The following TXNDC8 variants were observed in gnomAD, a reference collection of about 807,000 sequenced individuals.
The protein encoded by TXNDC8 is thioredoxin domain containing 8, also known as thioredoxin domain-containing protein 8.
Under a neutral mutation model 12.9 loss-of-function variants are expected in TXNDC8, and 15 were observed. The observed-to-expected ratio is 1.16, with a 90% CI of 0.78 to 1.79. The LOEUF (loss-of-function observed/expected upper bound fraction) is 1.79, where lower values mean the gene tolerates loss of function less well. TXNDC8 is among the 40% of genes most tolerant of loss of function. The pLI, the probability that TXNDC8 is intolerant of heterozygous loss-of-function variation, is 0.00. For missense variants in TXNDC8, 128 were observed against 113.2 expected (o/e 1.13, Z -0.59); for synonymous variants, 40 against 35.4 (o/e 1.13, Z -0.46).
chr9:110,309,616 G>A (rs946162976), intron 3 of TXNDC8, among the ~76,000 whole-genome samples: 2 of 152,184 alleles, frequency 1.3e-5, no homozygotes, highest in African/African-American at 2.4e-5. Context: ...GATTACAGGC[G>A]TGAGCCACTG....
intron 1 of TXNDC8, among the ~76,000 whole-genome samples, chr9:110,335,510 C>G (rs1385431974): frequency 6.6e-6 from 1 of 152,202 alleles, no homozygotes; most frequent in Non-Finnish European, 1.5e-5. Context: ...ACTCTGTGCC[C>G]TATATTCTCT....
chr9:110,336,974 A>G (rs1242986028), intron 1 of TXNDC8, among the ~76,000 whole-genome samples: 5 of 152,222 alleles, frequency 3.3e-5, no homozygotes, highest in African/African-American at 1.2e-4. Flanking sequence ...TATTAAAACA[A>G]TAAGTGTCAA....
At chr9:110,318,752 T>A (rs1838981338) in intron 3 of TXNDC8, among the ~76,000 whole-genome samples, 1 of 151,972 alleles carries the variant, frequency 6.6e-6, no homozygotes. Context: ...AAAAAAAAAT[T>A]TTAAGGGGTA....
At chr9:110,304,257 G>A (rs1162105098) in intron 4 of TXNDC8, among the ~76,000 whole-genome samples, 11 of 152,200 alleles carry the variant, frequency 7.2e-5, no homozygotes, top group Non-Finnish European at 1.6e-4. Flanking sequence ...GGGCGGTTGA[G>A]CCACCAGGAA....
In TXNDC8 at chr9:110,334,286, T is replaced by C. The variant is rs376373913; in HGVS notation, c.59A>G (p.His20Arg). 6 of 1,613,906 alleles carry C rather than the reference T, an allele frequency of 3.7e-6. No individual in the cohort carries two copies. Among genetic ancestry groups the C allele is most frequent in the Non-Finnish European group, 5.1e-6 (6 of 1,179,764 alleles). The change falls in exon 2 of 5, where the codon CAC becomes CGC. Residue 20 changes from histidine to arginine, a missense_variant. By Grantham distance (29) the His-to-Arg change is conservative (BLOSUM62 0). Transcript: ENST00000423740. ...AGAAAATTGAACCACTGCGAGTTTG[T>C]GTCCGGCAGCTGTCAAAAATGTTTT... is the stretch of plus-strand genomic sequence containing the variant.
At chr9:110,307,424 C>T (rs528788365) in intron 3 of TXNDC8, among the ~76,000 whole-genome samples, 1 of 152,292 alleles carries the variant, frequency 6.6e-6, no homozygotes, top group South Asian at 2.1e-4. Context: ...CAGCACTGGG[C>T]TTTGCATACA....
At chr9:110,316,134 C>T (rs565453066) in intron 3 of TXNDC8, among the ~76,000 whole-genome samples, 7 of 149,784 alleles carry the variant, frequency 4.7e-5, no homozygotes, top group African/African-American at 7.4e-5. Flanking sequence ...AGGCTGGTCT[C>T]GAACACCTGG....
intron 3 of TXNDC8, among the ~76,000 whole-genome samples, chr9:110,321,190 T>C (rs529002571): frequency 6.6e-6 from 1 of 152,300 alleles, no homozygotes; most frequent in East Asian, 1.9e-4. Context: ...CATTCAAGGA[T>C]GTTGCAGTGT....
Position 110,334,220 on chromosome 9 carries a change from A to G in TXNDC8, c.125T>C (p.Phe42Ser). 1 of 1,610,768 alleles carries G rather than the reference A, an allele frequency of 6.2e-7. No individual in the cohort carries two copies. Among genetic ancestry groups the G allele is most frequent in the East Asian group, 2.2e-5 (1 of 44,780 alleles). Residue 42 changes from phenylalanine to serine, a missense_variant, in exon 2 of 5, where the codon TTC becomes TCC. Physicochemically the swap from Phe to Ser is radical, Grantham distance 155. Transcript: ENST00000423740. ...ATATATACTGGTTGTACTCACATGG[A>G]AAACAGGAAACATCCTTTTGCAGGG...
intron 3 of TXNDC8, among the ~76,000 whole-genome samples, chr9:110,312,907 T>C (rs1164770263): frequency 3.3e-5 from 5 of 152,242 alleles, no homozygotes; most frequent in Admixed American, 1.3e-4. Context: ...CTTCTTTTTT[T>C]AGTTGTTTTT....
intron 3 of TXNDC8, among the ~76,000 whole-genome samples, chr9:110,308,875 G>A (rs908688111): frequency 1.3e-5 from 2 of 152,120 alleles, no homozygotes; most frequent in Non-Finnish European, 2.9e-5. Flanking sequence ...TTCTTCTTAG[G>A]TCTAAAGCTC....
At chr9:110,328,681 C>T (rs1171998557) in intron 2 of TXNDC8, among the ~76,000 whole-genome samples, 1 of 152,182 alleles carries the variant, frequency 6.6e-6, no homozygotes, top group Non-Finnish European at 1.5e-5. Context: ...TGGCACATGC[C>T]TGTAATCCCA....
downstream of TXNDC8, among the ~76,000 whole-genome samples, chr9:110,302,707 G>A (rs182138788): frequency 4.0e-5 from 6 of 151,218 alleles, no homozygotes; most frequent in South Asian, 4.2e-4. Flanking sequence ...GTGTGTACAC[G>A]TCTGTGTTTA....
intron 4 of TXNDC8, 114 bp downstream of exon 5, chr9:110,304,353 A>G (rs1344370924): frequency 1.1e-6 from 1 of 949,542 alleles, no homozygotes; most frequent in East Asian, 2.6e-5. Flanking sequence ...CCATCCCCAC[A>G]CCAAAGGCTT....
At chr9:110,309,616 G>T (rs946162976) in intron 3 of TXNDC8, among the ~76,000 whole-genome samples, 2 of 152,184 alleles carry the variant, frequency 1.3e-5, no homozygotes, top group Non-Finnish European at 2.9e-5. Context: ...GATTACAGGC[G>T]TGAGCCACTG....
intron 2 of TXNDC8, among the ~76,000 whole-genome samples, chr9:110,330,871 T>A (rs1839517544): frequency 6.6e-6 from 1 of 152,200 alleles, no homozygotes; most frequent in African/African-American, 2.4e-5. Context: ...TTCAATCACT[T>A]CTTAAAACCC....
chr9:110,316,450 C>T (rs529049724), intron 3 of TXNDC8, among the ~76,000 whole-genome samples: 16 of 152,230 alleles, frequency 1.1e-4, no homozygotes, highest in Admixed American at 8.5e-4. Context: ...ATCTGCATCA[C>T]GTTGCAGGTA....
intron 1 of TXNDC8, among the ~76,000 whole-genome samples, chr9:110,335,779 C>T (rs533941951): frequency 3.0e-4 from 46 of 152,178 alleles, no homozygotes; most frequent in Non-Finnish European, 5.7e-4. Flanking sequence ...ATTCCTGGAC[C>T]GAACATTAAG....
chr9:110,312,188 A>G (rs1373726316), intron 3 of TXNDC8, among the ~76,000 whole-genome samples: 1 of 152,204 alleles, frequency 6.6e-6, no homozygotes, highest in Non-Finnish European at 1.5e-5. Context: ...ACTCCTATGA[A>G]CAAAATTTGG....
Sources: allele counts gnomAD v4.1 joint callset (sites outside exome capture counted in the v4.1 genomes callset), GRCh38; gene constraint gnomAD v4.1.1; transcripts MANE v1.5; gene names NCBI Gene and HGNC (gene_info 2026-07-23, HGNC 2026-07-21).